The following MGAT4C variants were observed in gnomAD, a reference collection of about 807,000 sequenced individuals.
MGAT4C encodes MGAT4 family member C.
Under a neutral mutation model 40.1 loss-of-function variants are expected in MGAT4C, and 19 were observed. That is an observed-to-expected ratio of 0.47 (90% CI 0.33 to 0.70). The LOEUF (loss-of-function observed/expected upper bound fraction) is 0.70. MGAT4C is among the 30% of genes least tolerant of loss of function. MGAT4C has a pLI of 0.02. For missense variants in MGAT4C, 491 were observed against 563.2 expected, an observed-to-expected ratio of 0.87 and a Z score of 1.30; for synonymous variants, 181 against 187.1, an observed-to-expected ratio of 0.97 and a Z score of 0.27.
At chr12:86,330,140 CCT>C (rs1954627941) in intron 4 of MGAT4C, among the ~76,000 whole-genome samples, 1 of 152,090 alleles carries the variant, frequency 6.6e-6, no homozygotes, top group Admixed American at 6.6e-5. Flanking sequence ...TCTCCTGTCC[CCT>C]CTTTTGAGGA....
intron 2 of MGAT4C, among the ~76,000 whole-genome samples, chr12:86,525,573 G>A (rs1958866675): frequency 6.6e-6 from 1 of 152,152 alleles, no homozygotes; most frequent in Admixed American, 6.5e-5. Flanking sequence ...GAGGGCTTAT[G>A]TTCTTTCAAT....
chr12:86,176,372 C>T (rs920598506), intron 1 of MGAT4C, among the ~76,000 whole-genome samples: 1 of 152,176 alleles, frequency 6.6e-6, no homozygotes, highest in African/African-American at 2.4e-5. Flanking sequence ...TAGTCTTGTA[C>T]ACCTTCCCAA....
At chr12:86,296,655 C>T (rs1448657607) in intron 4 of MGAT4C, among the ~76,000 whole-genome samples, 2 of 152,230 alleles carry the variant, frequency 1.3e-5, no homozygotes, top group South Asian at 2.1e-4. Context: ...GGTGCTAAGC[C>T]CCTCACTGCC....
chr12:86,688,946 A>G (rs1237226009), intron 2 of MGAT4C, among the ~76,000 whole-genome samples: 1 of 152,204 alleles, frequency 6.6e-6, no homozygotes, highest in East Asian at 1.9e-4. Flanking sequence ...GTGTTTGCCA[A>G]CTTGGTTCCA....
intron 2 of MGAT4C, among the ~76,000 whole-genome samples, chr12:86,580,812 G>A (rs1422911295): frequency 6.6e-6 from 1 of 151,430 alleles, no homozygotes; most frequent in Non-Finnish European, 1.5e-5. Flanking sequence ...AAGGTAAAGT[G>A]AAAGTGTAAT....
At chr12:86,663,181 A>G (rs964120932) in intron 2 of MGAT4C, among the ~76,000 whole-genome samples, 1 of 151,926 alleles carries the variant, frequency 6.6e-6, no homozygotes, top group Non-Finnish European at 1.5e-5. Flanking sequence ...TAACATGGCA[A>G]AACTCTGTCT....
At chr12:86,689,949 G>T (rs572893131) in intron 2 of MGAT4C, among the ~76,000 whole-genome samples, 1 of 152,304 alleles carries the variant, frequency 6.6e-6, no homozygotes, top group African/African-American at 2.4e-5. Flanking sequence ...GTCCCAGGGG[G>T]ATGGGAGTTT....
upstream of MGAT4C, among the ~76,000 whole-genome samples, chr12:86,259,973 G>A (rs1471877180): frequency 1.1e-4 from 3 of 26,344 alleles, no homozygotes; most frequent in Admixed American, 3.9e-4. Flanking sequence ...TTTGTTGAAT[G>A]TGGTGAGAGG....
chr12:86,044,692 G>C (rs1282234914), intron 2 of MGAT4C, among the ~76,000 whole-genome samples: 1 of 152,100 alleles, frequency 6.6e-6, no homozygotes, highest in Admixed American at 6.6e-5. Context: ...GTCAGCTGTT[G>C]AAGGAGCTAT....
chr12:86,361,571 T>G (rs567859558), intron 3 of MGAT4C, among the ~76,000 whole-genome samples: 12 of 152,108 alleles, frequency 7.9e-5, no homozygotes, highest in African/African-American at 2.9e-4. Context: ...GGGAGAAAAT[T>G]TTTACAATCT....
At chr12:86,812,316 T>G (rs1286882268) in intron 1 of MGAT4C, among the ~76,000 whole-genome samples, 1 of 152,168 alleles carries the variant, frequency 6.6e-6, no homozygotes, top group Non-Finnish European at 1.5e-5. Flanking sequence ...TAGATCCTAC[T>G]GGTTGAGTGT....
chr12:86,154,417 T>C (rs1355787304), intron 1 of MGAT4C, among the ~76,000 whole-genome samples: 1 of 152,116 alleles, frequency 6.6e-6, no homozygotes, highest in Non-Finnish European at 1.5e-5. Flanking sequence ...GTCCCTCAGC[T>C]CCGGTGTAAG....
chr12:86,735,303 A>G (rs1341302710), intron 1 of MGAT4C, among the ~76,000 whole-genome samples: 2 of 151,914 alleles, frequency 1.3e-5, no homozygotes, highest in South Asian at 2.1e-4. Context: ...CTCCTTGTAG[A>G]AATCATTTGT....
chr12:86,391,815 G>A (rs1387007017), intron 3 of MGAT4C, among the ~76,000 whole-genome samples: 3 of 151,930 alleles, frequency 2.0e-5, no homozygotes, highest in African/African-American at 4.8e-5. Context: ...AGCTGAGATC[G>A]CGACACTGCA....
chr12:86,394,703 T>G (rs772677083), intron 3 of MGAT4C, among the ~76,000 whole-genome samples: 1 of 148,972 alleles, frequency 6.7e-6, no homozygotes, highest in Non-Finnish European at 1.5e-5. Context: ...CACTGCAACC[T>G]CCGCCTCTCG....
At chr12:86,269,045 T>C (rs1357029417) in intron 4 of MGAT4C, among the ~76,000 whole-genome samples, 2 of 139,656 alleles carry the variant, frequency 1.4e-5, no homozygotes, top group Non-Finnish European at 3.1e-5. Flanking sequence ...TATATATATA[T>C]ATATATATAT....
chr12:86,649,709 T>A (rs1348053813), intron 2 of MGAT4C, among the ~76,000 whole-genome samples: 1 of 151,774 alleles, frequency 6.6e-6, no homozygotes, highest in African/African-American at 2.4e-5. Context: ...ATGGTCTTAT[T>A]TAAATCTAAA....
At chr12:86,562,905 T>C (rs1959936440) in intron 2 of MGAT4C, among the ~76,000 whole-genome samples, 1 of 152,016 alleles carries the variant, frequency 6.6e-6, no homozygotes, top group South Asian at 2.1e-4. Context: ...TTTAAAAAGG[T>C]CCTAATAGTT....
intron 2 of MGAT4C, among the ~76,000 whole-genome samples, chr12:86,493,325 C>T (rs1195658472): frequency 1.3e-5 from 2 of 151,976 alleles, no homozygotes; most frequent in Non-Finnish European, 2.9e-5. Flanking sequence ...ATAAATCATG[C>T]TGCTATAAAG....
Sources: gnomAD v4.1 joint callset for allele counts (sites outside exome capture counted in the v4.1 genomes callset) on GRCh38, gnomAD v4.1.1 for gene constraint, MANE v1.5 for transcripts, NCBI Gene and HGNC (gene_info 2026-07-23, HGNC 2026-07-21) for gene names.